CDH17: variants seen among roughly 807,000 people sequenced by gnomAD.
The protein encoded by CDH17 is cadherin 17.
CDH17 carries 67 observed loss-of-function variants against 86.3 expected under a neutral mutation model. The ratio of observed to expected loss-of-function variants is 0.78; its 90% CI spans 0.64 to 0.95. The LOEUF is 0.95. CDH17 is among the 40% of genes least tolerant of loss of function. The probability of loss-of-function intolerance (pLI) is 0.00; values close to 1 mark genes in which losing one functional copy is unlikely to be tolerated. For missense variants in CDH17, 993 were observed against 1,017.6 expected (o/e 0.98, Z 0.33); for synonymous variants, 367 against 366.4 (o/e 1.00, Z -0.02).
intron 15 of CDH17, among the ~76,000 whole-genome samples, chr8:94,145,724 T>G (rs1025715028): frequency 2.0e-5 from 3 of 152,198 alleles, no homozygotes; most frequent in Non-Finnish European, 4.4e-5. Flanking sequence ...AAGAGAATGC[T>G]GTGTGGTCAT....
At chr8:94,176,452 A>T in intron 5 of CDH17, 89 bp downstream of exon 5, 1 of 1,379,288 alleles carries the variant, frequency 7.3e-7, no homozygotes, top group Non-Finnish European at 1.0e-6. Flanking sequence ...TTATTGAGTG[A>T]CAGCTGCAGC....
chr8:94,157,060 G>A (rs1400765123), intron 12 of CDH17, among the ~76,000 whole-genome samples: 2 of 152,142 alleles, frequency 1.3e-5, no homozygotes, highest in African/African-American at 4.8e-5. Context: ...ACCTTGCTGT[G>A]GGCCTGAATT....
In CDH17 at chr8:94,171,408, C is replaced by T. The variant is rs556123343; in HGVS notation, c.784-423G>A. ...TGAAGATGAACAGGGGCAATAGGGGCCACTCTGAAGTCTTCTCCATGCCAT... is the reference window on the plus strand; with the variant it reads ...TGAAGATGAACAGGGGCAATAGGGGTCACTCTGAAGTCTTCTCCATGCCAT... On this transcript the variant is annotated intron_variant, in intron 7 of 17. Transcript: ENST00000027335. Among the ~76,000 whole-genome samples, 16 of 152,256 alleles carry T rather than the reference C, an allele frequency of 1.1e-4. No individual in the cohort carries two copies. In the East Asian group the frequency reaches 2.1e-3, roughly 20 times the overall value.
Position 94,143,102 on chromosome 8 carries a change from T to C in CDH17, c.2167+2826A>G, listed in dbSNP as rs529366012. ...AGGAATTACTATCTAATAGCAGCTA[T>C]AACCTGATGAAATGTATATCTTAAA... On this transcript the variant is annotated intron_variant, in intron 15 of 17. Transcript: ENST00000027335. 3.9e-4 allele frequency among the ~76,000 whole-genome samples: 60 copies of C among 152,374 alleles called. 1 individual carries two copies. Among genetic ancestry groups the C allele is most frequent in the Admixed American group, 3.3e-4 (5 of 15,310 alleles).
At chr8:94,179,241 T>C (rs1047727998) in intron 3 of CDH17, among the ~76,000 whole-genome samples, 2 of 152,134 alleles carry the variant, frequency 1.3e-5, no homozygotes, top group Admixed American at 1.3e-4. Context: ...GGCATTTCCC[T>C]GGGAACATCT....
intron 14 of CDH17, among the ~76,000 whole-genome samples, chr8:94,147,726 A>T (rs902945020): frequency 6.6e-6 from 1 of 152,190 alleles, no homozygotes; most frequent in African/African-American, 2.4e-5. Flanking sequence ...TTTTTATTTT[A>T]AAAAAGTTCT....
intron 15 of CDH17, among the ~76,000 whole-genome samples, chr8:94,143,439 A>C (rs1812675950): frequency 6.6e-6 from 1 of 152,208 alleles, no homozygotes; most frequent in Non-Finnish European, 1.5e-5. Flanking sequence ...GTATTTTAGG[A>C]ATGCTAAATT....
At chr8:94,203,264 T>G (rs577247860) in intron 1 of CDH17, among the ~76,000 whole-genome samples, 1 of 152,362 alleles carries the variant, frequency 6.6e-6, no homozygotes, top group South Asian at 2.1e-4. Flanking sequence ...TGAAGGGCTT[T>G]GAATTAAAAT....
chr8:94,160,240 T>A (rs963168357), intron 11 of CDH17, 78 bp from the exon 12 acceptor site: 2 of 1,113,438 alleles, frequency 1.8e-6, no homozygotes, highest in Admixed American at 2.3e-5. Flanking sequence ...TCTCTCTGGT[T>A]TCAGAATAGA....
intron 2 of CDH17, among the ~76,000 whole-genome samples, chr8:94,194,030 C>T (rs1045392077): frequency 1.3e-5 from 2 of 151,850 alleles, no homozygotes; most frequent in African/African-American, 4.8e-5. Flanking sequence ...TTATGAACCT[C>T]AGCAGTCACG....
At chr8:94,131,802 A>G (rs1812425917) in intron 15 of CDH17, among the ~76,000 whole-genome samples, 1 of 152,100 alleles carries the variant, frequency 6.6e-6, no homozygotes, top group Non-Finnish European at 1.5e-5. Flanking sequence ...TACATTAGGT[A>G]TTTCTCCTAA....
Position 94,176,608 on chromosome 8 carries a change from G to C in CDH17, c.357C>G (p.Ile119Met). Residue 119 changes from isoleucine to methionine, a missense_variant, in exon 5 of 18, where the codon ATC becomes ATG. Ile to Met is a conservative substitution (Grantham distance 10, BLOSUM62 1). Transcript: ENST00000027335. ...PVPITIKVKD[I>M]NDNRPTFLQS... ...GGAGAAACGTGGGTCGATTGTCGTT[G>C]ATGTCCTTCACTTTTATGGTGATAG... The C allele has an allele frequency of 6.2e-7, 1 of 1,613,734 alleles. No homozygotes were observed. The highest frequency in any genetic ancestry group is 8.5e-7 in the Non-Finnish European group (1 of 1,179,726).
chr8:94,178,546 G>A lies in CDH17; in HGVS notation c.151-825C>T, dbSNP rs187203413. Reference sequence around the variant, plus strand: ...GAAAGTAACTTTATTTATAATACCAGTAAGATTGAAAACTCCTAAATGGTC... The same window carrying A: ...GAAAGTAACTTTATTTATAATACCAATAAGATTGAAAACTCCTAAATGGTC... On this transcript the variant is annotated intron_variant, in intron 3 of 17. Transcript: ENST00000027335. 2.4e-3 allele frequency among the ~76,000 whole-genome samples: 372 copies of A among 151,900 alleles called. 3 individuals are homozygous for A. Among genetic ancestry groups the A allele is most frequent in the Admixed American group, 8.1e-3 (123 of 15,260 alleles).
intron 1 of CDH17, chr8:94,201,855 G>A (rs535394352): frequency 6.5e-6 from 1 of 154,594 alleles, no homozygotes; most frequent in East Asian, 1.9e-4. Flanking sequence ...CTCCCAAGGG[G>A]ATTAACGGCA....
At chr8:94,205,075 G>A (rs188242020) in intron 1 of CDH17, among the ~76,000 whole-genome samples, 1 of 152,230 alleles carries the variant, frequency 6.6e-6, no homozygotes, top group African/African-American at 2.4e-5. Context: ...AGGCATAAAT[G>A]GGTTTTAAGC....
chr8:94,170,727 C>A, intron 8 of CDH17, 127 bp downstream of exon 8: 1 of 1,374,226 alleles, frequency 7.3e-7, no homozygotes, highest in Non-Finnish European at 9.9e-7. Flanking sequence ...TCTTTGAAAA[C>A]CAATAATATG....
At chr8:94,202,217 T>A (rs1813929738) in intron 1 of CDH17, 1 of 152,060 alleles carries the variant, frequency 6.6e-6, no homozygotes, top group Non-Finnish European at 1.5e-5. Context: ...ATGCCCAGGC[T>A]GGAGTGCAAT....
intron 11 of CDH17, among the ~76,000 whole-genome samples, chr8:94,161,347 C>T (rs987425137): frequency 6.6e-6 from 1 of 152,144 alleles, no homozygotes; most frequent in Admixed American, 6.5e-5. Flanking sequence ...AGGCTTGTCC[C>T]TATTTTGATT....
upstream of CDH17, among the ~76,000 whole-genome samples, chr8:94,211,340 G>T (rs1343099363): frequency 6.6e-6 from 1 of 151,940 alleles, no homozygotes; most frequent in South Asian, 2.1e-4. Context: ...TTGAGATGGA[G>T]TCTTGATGTC....
Sources: allele counts gnomAD v4.1 joint callset (sites outside exome capture counted in the v4.1 genomes callset), GRCh38; gene constraint gnomAD v4.1.1; transcripts MANE v1.5; gene names NCBI Gene and HGNC (gene_info 2026-07-23, HGNC 2026-07-21).